Variants in HS6ST3 observed in about 807,000 individuals in gnomAD.
The protein encoded by HS6ST3 is heparan-sulfate 6-O-sulfotransferase 3.
In HS6ST3, 12 loss-of-function variants were observed where a neutral mutation model predicts 36.7. That is an observed-to-expected ratio of 0.33 (90% confidence interval 0.21 to 0.53). The LOEUF (loss-of-function observed/expected upper bound fraction) is 0.53. HS6ST3 is among the 20% of genes least tolerant of loss of function. The pLI, the probability that HS6ST3 is intolerant of heterozygous loss-of-function variation, is 0.95. For synonymous variants in HS6ST3, 240 were observed against 257.5 expected (o/e 0.93, Z 0.65); for missense variants, 584 against 640.9 (o/e 0.91, Z 0.96).
intron 1 of HS6ST3, among the ~76,000 whole-genome samples, chr13:96,742,845 C>T (rs914181194): frequency 6.6e-5 from 10 of 152,018 alleles, no homozygotes; most frequent in East Asian, 1.9e-4. Flanking sequence ...TATCAGTTTT[C>T]GCTATAGCTC....
chr13:96,144,645 TTTA>T (rs1278824096), intron 1 of HS6ST3, among the ~76,000 whole-genome samples: 2 of 151,672 alleles, frequency 1.3e-5, no homozygotes, highest in African/African-American at 4.8e-5. Flanking sequence ...TTAATTAATT[TTTA>T]TTATTATTAT....
At chr13:96,463,178 C>T (rs969363059) in intron 1 of HS6ST3, among the ~76,000 whole-genome samples, 2 of 151,950 alleles carry the variant, frequency 1.3e-5, no homozygotes, top group Non-Finnish European at 2.9e-5. Context: ...AGAGAATACC[C>T]GAGACACCCA....
intron 1 of HS6ST3, among the ~76,000 whole-genome samples, chr13:96,316,814 C>G (rs543506564): frequency 2.8e-4 from 43 of 152,102 alleles, no homozygotes; most frequent in African/African-American, 1.0e-3. Flanking sequence ...TGTATCCCAT[C>G]TAAAGCAACA....
chr13:96,494,543 TAA>T (rs1299394882), intron 1 of HS6ST3, among the ~76,000 whole-genome samples: 3 of 137,052 alleles, frequency 2.2e-5, no homozygotes, highest in Admixed American at 7.3e-5. Context: ...AAAGTATAAT[TAA>T]AAAAAAAAAA....
chr13:96,631,085 T>C (rs2056530648), intron 1 of HS6ST3, among the ~76,000 whole-genome samples: 1 of 152,190 alleles, frequency 6.6e-6, no homozygotes, highest in Non-Finnish European at 1.5e-5. Context: ...TTGTTGCTAA[T>C]TTCTTATGAG....
intron 1 of HS6ST3, among the ~76,000 whole-genome samples, chr13:96,551,008 G>A (rs1247185576): frequency 2.0e-5 from 3 of 152,118 alleles, no homozygotes; most frequent in Non-Finnish European, 2.9e-5. Flanking sequence ...TTCAAAGGTA[G>A]AATTTAACCT....
chr13:96,774,942 G>A (rs1388131530), intron 1 of HS6ST3, among the ~76,000 whole-genome samples: 4 of 152,092 alleles, frequency 2.6e-5, no homozygotes, highest in Admixed American at 2.6e-4. Flanking sequence ...GAAAGGTTGG[G>A]TTACCCACCA....
intron 1 of HS6ST3, among the ~76,000 whole-genome samples, chr13:96,816,923 C>T (rs1171264758): frequency 6.6e-6 from 1 of 152,126 alleles, no homozygotes; most frequent in African/African-American, 2.4e-5. Flanking sequence ...GCTGGAGATG[C>T]GATTCCCGTC....
intron 1 of HS6ST3, among the ~76,000 whole-genome samples, chr13:96,735,675 T>C (rs1242403347): frequency 6.6e-6 from 1 of 152,176 alleles, no homozygotes; most frequent in East Asian, 1.9e-4. Context: ...GAAACTGTGC[T>C]CTTTTGTATC....
intron 1 of HS6ST3, among the ~76,000 whole-genome samples, chr13:96,403,354 A>G (rs2055461321): frequency 6.6e-6 from 1 of 152,202 alleles, no homozygotes; most frequent in Admixed American, 6.5e-5. Flanking sequence ...CACTGCCAAA[A>G]TGGTTAACCT....
intron 1 of HS6ST3, among the ~76,000 whole-genome samples, chr13:96,259,956 A>G (rs2054655981): frequency 6.6e-6 from 1 of 152,150 alleles, no homozygotes; most frequent in Non-Finnish European, 1.5e-5. Context: ...TATTTTTCAT[A>G]AAATATTATT....
chr13:96,546,711 T>C (rs1039079351), intron 1 of HS6ST3, among the ~76,000 whole-genome samples: 1 of 152,232 alleles, frequency 6.6e-6, no homozygotes, highest in African/African-American at 2.4e-5. Flanking sequence ...ATTACTCTTC[T>C]TCCTTTTAAT....
chr13:96,714,888 G>A (rs1875653105), intron 1 of HS6ST3, among the ~76,000 whole-genome samples: 1 of 151,626 alleles, frequency 6.6e-6, no homozygotes. Flanking sequence ...TTCTTTTGTT[G>A]TAGAGACAGG....
intron 1 of HS6ST3, among the ~76,000 whole-genome samples, chr13:96,229,325 T>G (rs1374244586): frequency 6.6e-6 from 1 of 152,174 alleles, no homozygotes; most frequent in Non-Finnish European, 1.5e-5. Context: ...ATTAGACTGG[T>G]GCATTAGTCA....
At chr13:96,416,662 T>TA (rs774754742) in intron 1 of HS6ST3, among the ~76,000 whole-genome samples, 3 of 2,752 alleles carry the variant, frequency 1.1e-3, no homozygotes, top group South Asian at 0.038. Flanking sequence ...TGTAAGTGTA[T>TA]TTTTTTTTTT....
Position 96,441,639 on chromosome 13 carries a change from T to C in HS6ST3, c.707+350070T>C, listed in dbSNP as rs1228618093. ...GAAAATAAAAAAGTTATAATTGGCC[T>C]CCTCAGAGAGATGTGAGATATTACA... On this transcript the variant is annotated intron_variant, in intron 1 of 1. Transcript: ENST00000376705. 2.6e-5 allele frequency among the ~76,000 whole-genome samples: 4 copies of C among 152,214 alleles called. No homozygotes were observed. In the East Asian group the frequency reaches 7.7e-4, roughly 29 times the overall value.
chr13:96,174,758 C>T (rs1476417805), intron 1 of HS6ST3, among the ~76,000 whole-genome samples: 2 of 152,136 alleles, frequency 1.3e-5, no homozygotes, highest in Non-Finnish European at 2.9e-5. Context: ...GTAGAATCCA[C>T]TGTATGATTG....
At chr13:96,141,483 A>G (rs1409385751) in intron 1 of HS6ST3, among the ~76,000 whole-genome samples, 5 of 151,932 alleles carry the variant, frequency 3.3e-5, no homozygotes, top group African/African-American at 1.2e-4. Context: ...CCTCCCAAGT[A>G]GCTGAGACAG....
chr13:96,386,438 T>C (rs2055368307), intron 1 of HS6ST3, among the ~76,000 whole-genome samples: 1 of 152,210 alleles, frequency 6.6e-6, no homozygotes, highest in Non-Finnish European at 1.5e-5. Flanking sequence ...GACACGTTCG[T>C]TGGACATCTC....
Sources: allele counts gnomAD v4.1 joint callset (sites outside exome capture counted in the v4.1 genomes callset), GRCh38; gene constraint gnomAD v4.1.1; transcripts MANE v1.5; gene names NCBI Gene and HGNC (gene_info 2026-07-23, HGNC 2026-07-21).